Variants in CSMD3 observed in about 807,000 individuals in gnomAD.
CSMD3 encodes CUB and Sushi multiple domains 3.
CSMD3 carries 177 observed loss-of-function variants against 435.2 expected under a neutral mutation model. The observed-to-expected ratio is 0.41, with a 90% CI of 0.36 to 0.46. The LOEUF is 0.46. Ranked by LOEUF, CSMD3 falls within the 20% of genes least tolerant of loss-of-function variation. The pLI is 0.34. For synonymous variants in CSMD3, 1,656 were observed against 1,520.5 expected, an observed-to-expected ratio of 1.09 and a Z score of -2.07; for missense variants, 4,265 against 4,504.6, an observed-to-expected ratio of 0.95 and a Z score of 1.52.
At position 112,318,830 on chromosome 8, in the gene CSMD3, T is replaced by C. The variant is rs1171393505; in HGVS notation, c.7360+7A>G. On this transcript the variant is annotated splice_region_variant and intron_variant, in intron 47 of 70. Coordinates refer to ENST00000297405, the MANE Select transcript of CSMD3 (RefSeq NM_198123.2). ...AGAAATAAATAATCATAGGAACCAT[T>C]GAATACCTTGACAAACTGGAGGTGC... 6.3e-7 allele frequency: 1 copy of C among 1,582,150 alleles called. No individual in the cohort carries two copies. Among genetic ancestry groups the C allele is most frequent in the Admixed American group, 1.7e-5 (1 of 59,780 alleles).
intron 29 of CSMD3, 142 bp from the exon 30 acceptor site, chr8:112,504,119 A>G: frequency 1.8e-6 from 1 of 561,408 alleles, no homozygotes; most frequent in Non-Finnish European, 3.1e-6. Context: ...AAGCTAATAT[A>G]AAAAATCACC....
Position 112,716,998 on chromosome 8 carries a change from T to C in CSMD3, c.1973-26948A>G, listed in dbSNP as rs1056430898. Among the ~76,000 whole-genome samples, 6 of 152,202 alleles carry C rather than the reference T, an allele frequency of 3.9e-5. No homozygotes were observed. The East Asian group carries it at 1.2e-3, about 29-fold the overall frequency. On this transcript the variant is annotated intron_variant, in intron 13 of 70. Coordinates refer to ENST00000297405, the MANE Select transcript of CSMD3 (RefSeq NM_198123.2). ...AAAACCTAGGCAATACCATTCAGGA[T>C]ATGGGCATGGGTAAAGATTTCATGA...
intron 5 of CSMD3, among the ~76,000 whole-genome samples, chr8:113,080,606 T>C (rs2089523076): frequency 6.6e-6 from 1 of 152,162 alleles, no homozygotes; most frequent in African/African-American, 2.4e-5. Flanking sequence ...AAGTCATTCA[T>C]TTTTCAGGCA....
intron 12 of CSMD3, among the ~76,000 whole-genome samples, chr8:112,813,883 C>T (rs953401023): frequency 2.6e-5 from 4 of 152,148 alleles, no homozygotes; most frequent in Middle Eastern, 3.2e-3. Context: ...CTGAATCCCA[C>T]GTTGCCATCC....
chr8:112,360,262 C>T (rs1010696794), intron 38 of CSMD3, among the ~76,000 whole-genome samples: 2 of 151,876 alleles, frequency 1.3e-5, no homozygotes, highest in African/African-American at 4.8e-5. Flanking sequence ...ATCAAATACT[C>T]TATTCAGGGT....
intron 6 of CSMD3, among the ~76,000 whole-genome samples, chr8:113,015,804 T>C (rs1005112017): frequency 1.3e-5 from 2 of 151,856 alleles, no homozygotes; most frequent in East Asian, 3.9e-4. Context: ...AATATGACAA[T>C]GTATTCATCG....
intron 6 of CSMD3, among the ~76,000 whole-genome samples, chr8:113,013,833 A>G (rs1175621757): frequency 2.0e-5 from 3 of 152,138 alleles, no homozygotes; most frequent in African/African-American, 7.2e-5. Context: ...TTAAGGCTAG[A>G]AAGCTAAACA....
At chr8:112,486,765 C>A (rs1421326519) in intron 31 of CSMD3, among the ~76,000 whole-genome samples, 1 of 152,116 alleles carries the variant, frequency 6.6e-6, no homozygotes, top group Non-Finnish European at 1.5e-5. Context: ...AGATGTATAT[C>A]CATGCTGTGC....
intron 5 of CSMD3, among the ~76,000 whole-genome samples, chr8:113,030,201 G>T (rs1196528307): frequency 6.6e-6 from 1 of 150,604 alleles, no homozygotes; most frequent in Non-Finnish European, 1.5e-5. Context: ...TGACCATACT[G>T]CCAAAAGCAA....
At chr8:113,307,722 TG>T (rs901188604) in intron 2 of CSMD3, among the ~76,000 whole-genome samples, 2 of 152,146 alleles carry the variant, frequency 1.3e-5, no homozygotes, top group African/African-American at 4.8e-5. Flanking sequence ...ACAAAATATT[TG>T]AACAAACTCT....
chr8:112,892,196 G>A (rs1040735594), intron 10 of CSMD3, among the ~76,000 whole-genome samples: 12 of 151,354 alleles, frequency 7.9e-5, no homozygotes, highest in Admixed American at 2.6e-4. Context: ...TGGTGTAGTT[G>A]AGCAAATGTG....
intron 10 of CSMD3, among the ~76,000 whole-genome samples, chr8:112,897,140 T>C (rs1459653855): frequency 6.6e-6 from 1 of 151,410 alleles, no homozygotes; most frequent in Admixed American, 6.6e-5. Flanking sequence ...CCCCATGTAA[T>C]ATTTTTATAG....
At chr8:113,318,801 T>TGTGTGTGTG (rs2093928989) in intron 1 of CSMD3, among the ~76,000 whole-genome samples, 1 of 151,346 alleles carries the variant, frequency 6.6e-6, no homozygotes, top group Non-Finnish European at 1.5e-5. Flanking sequence ...TGTGTGTGTG[T>TGTGTGTGTG]GTGTGTGTGT....
intron 13 of CSMD3, among the ~76,000 whole-genome samples, chr8:112,707,907 G>A (rs1273694947): frequency 6.6e-6 from 1 of 152,008 alleles, no homozygotes; most frequent in Admixed American, 6.6e-5. Flanking sequence ...CAGATGTTTG[G>A]CCTTATTTAT....
chr8:113,308,258 C>CTTTTTTTT lies in CSMD3; in HGVS notation c.401+6305_401+6312dup. Among the ~76,000 whole-genome samples, 61 of 64,966 alleles carry CTTTTTTTT rather than the reference C, an allele frequency of 9.4e-4. 19 individuals carry two copies. Among genetic ancestry groups the CTTTTTTTT allele is most frequent in the African/African-American group, 2.9e-3 (47 of 16,336 alleles). The allele number at this position is 64,966 out of a possible 152,430, so 42.6% of individuals were successfully genotyped here. ...TAAATATCCAGTAAATCATTTAAGT[C>CTTTTTTTT]TTTTTTTTTTTTTTTTTTTTTTTTT... On this transcript the variant is annotated intron_variant, in intron 2 of 70. Transcript: ENST00000297405.
At chr8:113,414,591 C>T (rs1449295406) in intron 1 of CSMD3, among the ~76,000 whole-genome samples, 4 of 142,232 alleles carry the variant, frequency 2.8e-5, no homozygotes, top group Non-Finnish European at 6.0e-5. Context: ...ATTATTTGAA[C>T]ATATTATATT....
At chr8:112,952,573 T>A (rs1208513113) in intron 8 of CSMD3, among the ~76,000 whole-genome samples, 1 of 151,492 alleles carries the variant, frequency 6.6e-6, no homozygotes, top group East Asian at 1.9e-4. Flanking sequence ...AAAGAATATG[T>A]TTTTGAAATG....
intron 38 of CSMD3, among the ~76,000 whole-genome samples, chr8:112,356,085 G>A (rs1351153983): frequency 6.6e-6 from 1 of 152,100 alleles, no homozygotes; most frequent in Non-Finnish European, 1.5e-5. Flanking sequence ...ACTGTTGGTG[G>A]GAATGTAAAT....
rs559203240 is a variant in CSMD3 at position 113,243,617 on chromosome 8, A to C, written c.514+34975T>G. On this transcript the variant is annotated intron_variant, in intron 3 of 70. Coordinates refer to ENST00000297405, the MANE Select transcript of CSMD3 (RefSeq NM_198123.2). ...TGTATCCCTGTTTTCAATTTATTTG[A>C]ATATATACCTATGACTAGAATTGCT... Among the ~76,000 whole-genome samples the C allele has an allele frequency of 3.2e-4, 49 of 151,822 alleles. 1 individual carries two copies. The South Asian group carries it at 8.5e-3, about 26-fold the overall frequency.
Sources: allele counts gnomAD v4.1 joint callset (sites outside exome capture counted in the v4.1 genomes callset), GRCh38; gene constraint gnomAD v4.1.1; transcripts MANE v1.5; gene names NCBI Gene and HGNC (gene_info 2026-07-23, HGNC 2026-07-21).